The following ARHGAP15 variants were observed in gnomAD, a reference collection of about 807,000 sequenced individuals.
ARHGAP15 encodes the protein rho GTPase-activating protein 15.
A neutral mutation model predicts 63.7 loss-of-function variants in ARHGAP15; 51 were observed. That is an observed-to-expected ratio of 0.80 (90% CI 0.64 to 1.01). The LOEUF is 1.01. Ranked by LOEUF, ARHGAP15 falls within the 50% of genes least tolerant of loss-of-function variation. ARHGAP15 has a pLI of 0.00. For missense variants in ARHGAP15, 560 were observed against 564.6 expected, an observed-to-expected ratio of 0.99 and a Z score of 0.08; for synonymous variants, 191 against 193.8, an observed-to-expected ratio of 0.99 and a Z score of 0.12.
At chr2:143,508,805 T>A (rs1223930628) in intron 9 of ARHGAP15, among the ~76,000 whole-genome samples, 9 of 152,228 alleles carry the variant, frequency 5.9e-5, no homozygotes, top group Non-Finnish European at 1.3e-4. Context: ...AAATGCCTAC[T>A]GCACTAGTCA....
intron 6 of ARHGAP15, among the ~76,000 whole-genome samples, chr2:143,398,470 T>C (rs1334298722): frequency 1.3e-5 from 2 of 152,068 alleles, no homozygotes; most frequent in Non-Finnish European, 2.9e-5. Context: ...CACAGATGAC[T>C]GGGTTAAGAG....
intron 10 of ARHGAP15, among the ~76,000 whole-genome samples, chr2:143,545,031 G>A (rs1421212095): frequency 6.6e-6 from 1 of 152,196 alleles, no homozygotes; most frequent in Admixed American, 6.5e-5. Flanking sequence ...TAATTTCTCA[G>A]AAGTTTCGAA....
chr2:143,197,089 T>G (rs6758942), intron 2 of ARHGAP15, among the ~76,000 whole-genome samples: 25,836 of 151,974 alleles, frequency 0.17, 2,396 homozygotes, highest in Middle Eastern at 0.24. Context: ...GTAGGGTTTT[T>G]ATATCAGATA....
intron 6 of ARHGAP15, 121 bp downstream of exon 6, chr2:143,250,721 G>T: frequency 1.4e-6 from 1 of 733,288 alleles, no homozygotes. Flanking sequence ...TTGTCTGAAG[G>T]TCATGAAAGG....
chr2:143,371,510 C>T (rs766586934), intron 6 of ARHGAP15, among the ~76,000 whole-genome samples: 15 of 152,262 alleles, frequency 9.9e-5, no homozygotes, highest in Admixed American at 2.0e-4. Context: ...GTCTCCTCTC[C>T]CCACCCCCAA....
chr2:143,175,779 C>T (rs1455718888), intron 2 of ARHGAP15, among the ~76,000 whole-genome samples: 2 of 152,116 alleles, frequency 1.3e-5, no homozygotes, highest in Non-Finnish European at 2.9e-5. Context: ...CCACCAATAT[C>T]TCTAAGGCTA....
intron 12 of ARHGAP15, among the ~76,000 whole-genome samples, chr2:143,675,041 C>T (rs1178289469): frequency 6.6e-6 from 1 of 152,216 alleles, no homozygotes; most frequent in African/African-American, 2.4e-5. Context: ...AAATGGGAGT[C>T]AATCCTCTCA....
chr2:143,714,125 C>T (rs2105447349), intron 13 of ARHGAP15, among the ~76,000 whole-genome samples: 1 of 152,362 alleles, frequency 6.6e-6, no homozygotes, highest in South Asian at 2.1e-4. Context: ...CTGCAGCAAA[C>T]TTTTGCCTAG....
At chr2:143,673,711 A>C (rs1682649072) in intron 12 of ARHGAP15, among the ~76,000 whole-genome samples, 1 of 111,320 alleles carries the variant, frequency 9.0e-6, no homozygotes, top group Non-Finnish European at 1.9e-5. Context: ...ATATCTGATA[A>C]AGGCCTTATA....
intron 2 of ARHGAP15, among the ~76,000 whole-genome samples, chr2:143,157,147 T>C (rs1328303084): frequency 6.6e-6 from 1 of 151,900 alleles, no homozygotes; most frequent in East Asian, 1.9e-4. Flanking sequence ...TCCACCTCAA[T>C]AGCCTGCAGA....
At position 143,464,787 on chromosome 2, in the gene ARHGAP15, T is replaced by C. The variant is rs80064690; in HGVS notation, c.704-22586T>C. Among the ~76,000 whole-genome samples the C allele has an allele frequency of 5.0e-3, 763 of 152,266 alleles. 1 individual carries two copies. The highest frequency in any genetic ancestry group is 7.9e-3 in the Non-Finnish European group (534 of 68,018). ...TTTTGTTCTAATTTTGTCTTTATCA[T>C]AGGTAATCATGATATTAAAATTCTA... On this transcript the variant is annotated intron_variant, in intron 8 of 13. Transcript: ENST00000295095.
intron 12 of ARHGAP15, chr2:143,682,574 A>G (rs1201503239): frequency 6.6e-6 from 1 of 152,224 alleles, no homozygotes; most frequent in African/African-American, 2.4e-5. Flanking sequence ...ACATTCCAGC[A>G]GCCCCAAAGT....
chr2:143,215,671 A>G (rs1270290390), intron 3 of ARHGAP15, among the ~76,000 whole-genome samples: 1 of 152,148 alleles, frequency 6.6e-6, no homozygotes, highest in Non-Finnish European at 1.5e-5. Flanking sequence ...CCTAGTACAG[A>G]CTTTGCAGGG....
intron 6 of ARHGAP15, among the ~76,000 whole-genome samples, chr2:143,258,811 T>C (rs1050966841): frequency 3.2e-4 from 48 of 152,142 alleles, no homozygotes; most frequent in Non-Finnish European, 6.5e-4. Context: ...AGAGAGCTAT[T>C]AGATTCTTGA....
intron 4 of ARHGAP15, among the ~76,000 whole-genome samples, chr2:143,218,632 T>A (rs781415365): frequency 1.3e-5 from 2 of 152,206 alleles, no homozygotes; most frequent in South Asian, 4.1e-4. Context: ...TCATTCAATG[T>A]TAGCTCTTGG....
At chr2:143,280,448 A>G (rs762840613) in intron 6 of ARHGAP15, among the ~76,000 whole-genome samples, 2 of 152,148 alleles carry the variant, frequency 1.3e-5, no homozygotes, top group Non-Finnish European at 2.9e-5. Flanking sequence ...AGAGGTTAAT[A>G]GTGCACTTAA....
intron 13 of ARHGAP15, among the ~76,000 whole-genome samples, chr2:143,729,639 T>C (rs1361473678): frequency 6.6e-6 from 1 of 152,206 alleles, no homozygotes; most frequent in Admixed American, 6.5e-5. Context: ...AAATATGAGA[T>C]CTGTGAAAAA....
At chr2:143,495,401 T>C (rs1168475961) in intron 9 of ARHGAP15, among the ~76,000 whole-genome samples, 2 of 152,184 alleles carry the variant, frequency 1.3e-5, no homozygotes, top group African/African-American at 2.4e-5. Context: ...TTGGCTTATA[T>C]TTCTCTTTTT....
At chr2:143,282,251 C>CA (rs1681886212) in intron 6 of ARHGAP15, among the ~76,000 whole-genome samples, 1 of 151,822 alleles carries the variant, frequency 6.6e-6, no homozygotes, top group Non-Finnish European at 1.5e-5. Flanking sequence ...ACAGAAGCAC[C>CA]AAAAATAAGG....
Sources: gnomAD v4.1 joint callset for allele counts (sites outside exome capture counted in the v4.1 genomes callset) on GRCh38, gnomAD v4.1.1 for gene constraint, MANE v1.5 for transcripts, NCBI Gene and HGNC (gene_info 2026-07-23, HGNC 2026-07-21) for gene names.